Variants in PGAP1 observed in about 807,000 individuals in gnomAD.
PGAP1 encodes GPI inositol-deacylase.
A neutral mutation model predicts 127.0 loss-of-function variants in PGAP1; 76 were observed. The observed-to-expected ratio is 0.60, with a 90% CI of 0.50 to 0.72. The LOEUF (loss-of-function observed/expected upper bound fraction) is 0.72, where lower values mean the gene tolerates loss of function less well. Ranked by LOEUF, PGAP1 falls within the 30% of genes least tolerant of loss-of-function variation. The pLI is 0.00. For synonymous variants in PGAP1, 362 were observed against 366.5 expected (o/e 0.99, Z 0.14); for missense variants, 982 against 1,071.3 (o/e 0.92, Z 1.16).
rs184910793 is a variant in PGAP1, at chr2:196,834,064, A to G, written c.*7170T>C. ...ATATATAAGCCTCAATAAGTTCAGA[A>G]AGAATGAGCACAAGTCAAAGAATTC... On this transcript the variant is annotated 3_prime_UTR_variant, in exon 27 of 27. Transcript: ENST00000354764. 4 of 152,182 alleles carry G rather than the reference A, an allele frequency of 2.6e-5. No homozygotes were observed. The highest frequency in any genetic ancestry group is 9.6e-5 in the African/African-American group (4 of 41,580). The allele number at this position is 152,182 out of a possible 1,614,324, so 9.4% of individuals were successfully genotyped here. A position where few individuals can be genotyped will look rare whatever the true frequency, so the allele number is the denominator to read the frequency against.
In PGAP1 at chr2:196,897,130, C is replaced by T. The variant is rs750079325; in HGVS notation, c.927+1G>A. 2.0e-6 allele frequency: 3 copies of T among 1,524,518 alleles called. No homozygotes were observed. Among genetic ancestry groups the T allele is most frequent in the Non-Finnish European group, 2.7e-6 (3 of 1,114,932 alleles). 94.4% of individuals were successfully genotyped at this position (1,524,518 alleles called of 1,614,324 possible). On this transcript the variant is annotated splice_donor_variant, in intron 7 of 26. Coordinates refer to ENST00000354764, the MANE Select transcript of PGAP1 (RefSeq NM_024989.4). LOFTEE classifies it high-confidence loss of function. ...ATAATTTTTAGTTTAAAAATACATA[C>T]TTGTTTAGTATCAGCATCAATAAGA... is the stretch of plus-strand genomic sequence containing the variant.
Position 196,926,535 on chromosome 2 carries a change from C to T in PGAP1, c.82G>A (p.Val28Ile), listed in dbSNP as rs1376883591. The change falls in exon 1 of 27, where the codon GTC becomes ATC. Residue 28 changes from valine to isoleucine, a missense_variant. By Grantham distance (29) the Val-to-Ile change is conservative. Coordinates refer to ENST00000354764, the MANE Select transcript of PGAP1 (RefSeq NM_024989.4). ...VFLATLGLWD[V>I]FFGFEENKCS... ...TTATTCTCCTCGAAGCCGAAGAAGA[C>T]ATCCCACAGCCCCAGGGTTGCCAGA... The T allele has an allele frequency of 1.2e-6, 2 of 1,613,964 alleles. No homozygotes were observed. The highest frequency in any genetic ancestry group is 1.7e-6 in the Non-Finnish European group (2 of 1,179,872).
rs779050664 is a variant in PGAP1 at position 196,872,548 on chromosome 2, C to T, written c.1621G>A (p.Ala541Thr). The T allele has an allele frequency of 3.4e-5, 54 of 1,597,826 alleles. 2 individuals carry two copies. The South Asian group carries it at 5.6e-4, about 17-fold the overall frequency. The change falls in exon 18 of 27, where the codon GCT becomes ACT. Residue 541 changes from alanine to threonine, a missense_variant and splice_region_variant. Ala to Thr is a moderately conservative substitution (Grantham distance 58). Coordinates refer to ENST00000354764, the MANE Select transcript of PGAP1 (RefSeq NM_024989.4). ...AGAGAAATTTCTGTGGAAGATGGAGCCCTGAAGAGATAACTTAAATATCAA... is the reference window on the plus strand; with the variant it reads ...AGAGAAATTTCTGTGGAAGATGGAGTCCTGAAGAGATAACTTAAATATCAA... ...SYEDSLTIAQ[A>T]PSSTEISLKL... is the part of the protein sequence containing the mutation.
chr2:196,915,018 A>C (rs1386667978), intron 3 of PGAP1, among the ~76,000 whole-genome samples: 1 of 152,042 alleles, frequency 6.6e-6, no homozygotes, highest in African/African-American at 2.4e-5. Flanking sequence ...GGGTCTCACT[A>C]TGTTGCCTAG....
intron 9 of PGAP1, among the ~76,000 whole-genome samples, chr2:196,891,692 T>C (rs1702104830): frequency 6.6e-6 from 1 of 152,110 alleles, no homozygotes; most frequent in Admixed American, 6.5e-5. Context: ...ATTTAGTAGA[T>C]AAGCAGTTTT....
chr2:196,875,779 T>A lies in PGAP1; in HGVS notation c.1393A>T (p.Ile465Leu), dbSNP rs751423199. The change falls in exon 14 of 27, where the codon ATA becomes TTA. Residue 465 changes from isoleucine (I) to leucine (L), a missense_variant. By Grantham distance (5) the Ile-to-Leu change is conservative. Coordinates refer to ENST00000354764, the MANE Select transcript of PGAP1 (RefSeq NM_024989.4). ...CEFFKKEKRY[I>L]QLPVTHLFSF... ...AAAAGATGAGTTACAGGAAGCTGTA[T>A]GTATCTTTTCTCTTTTTTAAAGAAT... 1 of 1,543,704 alleles carries A rather than the reference T, an allele frequency of 6.5e-7. No homozygotes were observed. The highest frequency in any genetic ancestry group is 1.7e-5 in the Admixed American group (1 of 58,574).
At chr2:196,906,962 A>G (rs1413652754) in intron 4 of PGAP1, among the ~76,000 whole-genome samples, 3 of 145,318 alleles carry the variant, frequency 2.1e-5, no homozygotes, top group Admixed American at 1.4e-4. Flanking sequence ...GAAAAGACCA[A>G]ATCTACGTCT....
intron 4 of PGAP1, among the ~76,000 whole-genome samples, chr2:196,904,468 T>C (rs2125829092): frequency 6.6e-6 from 1 of 152,300 alleles, no homozygotes; most frequent in South Asian, 2.1e-4. Flanking sequence ...CTGGGCGCAG[T>C]GGCTCCCTCC....
Position 196,905,501 on chromosome 2 carries a change from CTGTTA to C in PGAP1, c.650-2764_650-2760del, listed in dbSNP as rs71812626. The stretch of plus-strand genomic sequence containing the variant: ...GCAAATAAATTATTTTTTGGCAATG[CTGTTA>C]TGTTAAGATGGTTTGGAGTCACTGG... On this transcript the variant is annotated intron_variant, in intron 4 of 26. Coordinates refer to ENST00000354764, the MANE Select transcript of PGAP1 (RefSeq NM_024989.4). 1.1e-3 allele frequency among the ~76,000 whole-genome samples: 164 copies of C among 152,278 alleles called. No homozygotes were observed. In the East Asian group the frequency reaches 0.019, roughly 17 times the overall value.
chr2:196,898,217 CAA>C (rs369035974), intron 6 of PGAP1, 98 bp downstream of exon 6: 4,619 of 627,018 alleles, frequency 7.4e-3, no homozygotes, highest in South Asian at 0.013. Context: ...GACTCTGTCT[CAA>C]AAAAAAAAAA....
intron 12 of PGAP1, among the ~76,000 whole-genome samples, chr2:196,884,773 T>C (rs1014770217): frequency 2.0e-5 from 3 of 152,188 alleles, no homozygotes; most frequent in African/African-American, 4.8e-5. Context: ...CCGGATAAAA[T>C]TTATCAGTTA....
chr2:196,922,593 C>T, intron 1 of PGAP1: 2 of 823,590 alleles, frequency 2.4e-6, no homozygotes, highest in Non-Finnish European at 2.9e-6. Context: ...CACACACACA[C>T]ACACACACAC....
At chr2:196,843,223 T>C (rs911815307) in intron 25 of PGAP1, among the ~76,000 whole-genome samples, 7 of 152,192 alleles carry the variant, frequency 4.6e-5, no homozygotes, top group African/African-American at 1.7e-4. Flanking sequence ...ATCCAATTCA[T>C]TTCTTGCATT....
At chr2:196,847,502 GA>G in intron 21 of PGAP1, 1 of 192,084 alleles carries the variant, frequency 5.2e-6, no homozygotes, top group Non-Finnish European at 1.0e-5. Context: ...TGTAATGATG[GA>G]AAAAAAGATC....
Position 196,880,095 on chromosome 2 carries a change from G to T in PGAP1, c.1331C>A (p.Pro444Gln). ...PSLSHLVVYV[P>Q]SVRGSKFVVD... ...TGTTACCTTACTTCCACGAACAGATGGTACATAAACAACAAGATGAGACAA... is the reference window on the plus strand; with the variant it reads ...TGTTACCTTACTTCCACGAACAGATTGTACATAAACAACAAGATGAGACAA... Residue 444 changes from proline (P) to glutamine (Q), a missense_variant, in exon 13 of 27, where the codon CCA becomes CAA. Physicochemically the swap from Pro to Gln is moderately conservative, Grantham distance 76 (BLOSUM62 -1). Coordinates refer to ENST00000354764, the MANE Select transcript of PGAP1 (RefSeq NM_024989.4). 1 of 1,602,084 alleles carries T rather than the reference G, an allele frequency of 6.2e-7. No homozygotes were observed. Among genetic ancestry groups the T allele is most frequent in the South Asian group, 1.1e-5 (1 of 90,036 alleles).
chr2:196,903,725 G>A (rs1015367491), intron 4 of PGAP1, among the ~76,000 whole-genome samples: 2 of 152,150 alleles, frequency 1.3e-5, no homozygotes, highest in Admixed American at 1.3e-4. Flanking sequence ...CAGGGTTAGG[G>A]TTCAACCCAT....
intron 1 of PGAP1, among the ~76,000 whole-genome samples, chr2:196,921,152 A>G (rs1452200216): frequency 1.3e-5 from 2 of 150,764 alleles, no homozygotes; most frequent in Non-Finnish European, 3.0e-5. Context: ...AAAACCTGTA[A>G]ATGTTGCTAA....
chr2:196,912,580 T>TAAAAAAAAAAAAAAAAAAA (rs531959600), intron 4 of PGAP1, among the ~76,000 whole-genome samples: 1 of 82,480 alleles, frequency 1.2e-5, no homozygotes. Context: ...ACCCTGTCTT[T>TAAAAAAAAAAAAAAAAAAA]AAAAAAAAAA....
At chr2:196,864,966 A>C (rs1244827558) in intron 20 of PGAP1, 21 bp downstream of exon 20, 2 of 1,380,442 alleles carry the variant, frequency 1.4e-6, no homozygotes, top group Non-Finnish European at 2.0e-6. Flanking sequence ...AAAGTAACTT[A>C]AAAATTAGAA....
Sources: allele counts gnomAD v4.1 joint callset (sites outside exome capture counted in the v4.1 genomes callset), GRCh38; gene constraint gnomAD v4.1.1; transcripts MANE v1.5; gene names NCBI Gene and HGNC (gene_info 2026-07-23, HGNC 2026-07-21).